Variants in POFUT3 observed in about 807,000 individuals in gnomAD.
POFUT3 encodes the protein protein O-fucosyltransferase 3.
At chr8:33,343,684 G>C in the POFUT3 span, among the ~76,000 whole-genome samples, 6 of 152,170 alleles carry the variant, frequency 3.9e-5, no homozygotes, top group South Asian at 1.2e-3. Flanking sequence ...TTTCTGAAAG[G>C]ATTTTACTTG....
the POFUT3 span, among the ~76,000 whole-genome samples, chr8:33,421,467 T>G: frequency 6.6e-6 from 1 of 152,200 alleles, no homozygotes; most frequent in African/African-American, 2.4e-5. Flanking sequence ...GCAAGGCTAC[T>G]AGTTTTATAG....
chr8:33,311,885 A>C, the POFUT3 span, among the ~76,000 whole-genome samples: 2 of 152,188 alleles, frequency 1.3e-5, no homozygotes, highest in South Asian at 4.1e-4. Flanking sequence ...CGTATTAGGA[A>C]ATAGAATCTT....
At chr8:33,323,786 C>G in the POFUT3 span, among the ~76,000 whole-genome samples, 1 of 152,174 alleles carries the variant, frequency 6.6e-6, no homozygotes, top group Non-Finnish European at 1.5e-5. Context: ...ACTTATTCCA[C>G]AAGTTCAGCC....
the POFUT3 span, among the ~76,000 whole-genome samples, chr8:33,433,880 A>G: frequency 6.6e-6 from 1 of 151,450 alleles, no homozygotes; most frequent in African/African-American, 2.4e-5. Flanking sequence ...AAGTGGGAGG[A>G]TCGCTTGGGC....
chr8:33,418,403 A>G, the POFUT3 span, among the ~76,000 whole-genome samples: 1 of 139,940 alleles, frequency 7.1e-6, no homozygotes, highest in Non-Finnish European at 1.5e-5. Context: ...GTGGGAAAAA[A>G]GGGAACTCTT....
the POFUT3 span, among the ~76,000 whole-genome samples, chr8:33,350,651 G>A: frequency 2.6e-5 from 4 of 152,160 alleles, no homozygotes; most frequent in Non-Finnish European, 5.9e-5. Context: ...GATTTCCATT[G>A]TTTTAAGGTC....
chr8:33,313,879 C>T, the POFUT3 span, among the ~76,000 whole-genome samples: 11 of 151,954 alleles, frequency 7.2e-5, no homozygotes, highest in Non-Finnish European at 1.2e-4. Flanking sequence ...ATTTATGGCT[C>T]CCAACTCTAA....
chr8:33,351,558 A>G, the POFUT3 span, among the ~76,000 whole-genome samples: 3,762 of 152,240 alleles, frequency 0.025, 75 homozygotes, highest in Middle Eastern at 0.068. Context: ...TGATCTCCAC[A>G]TGCACCAGCA....
the POFUT3 span, among the ~76,000 whole-genome samples, chr8:33,462,710 G>T: frequency 1.3e-5 from 2 of 151,832 alleles, no homozygotes; most frequent in African/African-American, 2.4e-5. Context: ...CAGGAGGATG[G>T]CTTGTGCCCA....
the POFUT3 span, among the ~76,000 whole-genome samples, chr8:33,324,290 AT>A: frequency 2.1e-4 from 32 of 152,202 alleles, no homozygotes; most frequent in African/African-American, 7.5e-4. Context: ...GAGAACATGG[AT>A]AATGGTGAGC....
the POFUT3 span, among the ~76,000 whole-genome samples, chr8:33,309,138 T>TAAAAA: frequency 2.6e-4 from 11 of 41,688 alleles, no homozygotes; most frequent in Admixed American, 1.1e-3. Context: ...CTGGGGAGTG[T>TAAAAA]AAAAAAAAAA....
chr8:33,428,117 C>T, the POFUT3 span, among the ~76,000 whole-genome samples: 3 of 152,056 alleles, frequency 2.0e-5, no homozygotes, highest in Non-Finnish European at 2.9e-5. Context: ...AGCGAGACTC[C>T]GTCTCAAAAA....
At chr8:33,411,798 T>A in the POFUT3 span, among the ~76,000 whole-genome samples, 29 of 151,804 alleles carry the variant, frequency 1.9e-4, no homozygotes, top group South Asian at 2.1e-3. Context: ...CAAAAAAAAA[T>A]AAAAATAAAA....
the POFUT3 span, among the ~76,000 whole-genome samples, chr8:33,457,036 TG>T: frequency 1.3e-5 from 2 of 152,074 alleles, no homozygotes; most frequent in African/African-American, 4.8e-5. Context: ...CCTAAAGTGC[TG>T]GGATTACAGG....
At chr8:33,365,903 T>C in the POFUT3 span, among the ~76,000 whole-genome samples, 1 of 152,244 alleles carries the variant, frequency 6.6e-6, no homozygotes, top group African/African-American at 2.4e-5. Context: ...ATCCCATTAC[T>C]GGGTATACAC....
chr8:33,422,577 A>C, the POFUT3 span, among the ~76,000 whole-genome samples: 1 of 142,032 alleles, frequency 7.0e-6, no homozygotes, highest in African/African-American at 2.6e-5. Context: ...AAAAAACCAC[A>C]GTTTTCAGTT....
chr8:33,349,936 T>A, the POFUT3 span, among the ~76,000 whole-genome samples: 1 of 152,170 alleles, frequency 6.6e-6, no homozygotes, highest in South Asian at 2.1e-4. Flanking sequence ...CACACCCCCA[T>A]TAACATCTAA....
chr8:33,429,316 T>TCA, the POFUT3 span, among the ~76,000 whole-genome samples: 1 of 152,132 alleles, frequency 6.6e-6, no homozygotes, highest in East Asian at 1.9e-4. Context: ...ATGACATGCC[T>TCA]CACATCACCC....
At chr8:33,354,929 T>C in the POFUT3 span, among the ~76,000 whole-genome samples, 1 of 152,254 alleles carries the variant, frequency 6.6e-6, no homozygotes, top group African/African-American at 2.4e-5. Flanking sequence ...TGGTTTACCA[T>C]AGCGGCACTT....
Sources: gnomAD v4.1 joint callset for allele counts (sites outside exome capture counted in the v4.1 genomes callset) on GRCh38, gnomAD v4.1.1 for gene constraint, MANE v1.5 for transcripts, NCBI Gene and HGNC (gene_info 2026-07-23, HGNC 2026-07-21) for gene names.